RXRA: variants seen among roughly 807,000 people sequenced by gnomAD.
RXRA encodes retinoic acid receptor RXR-alpha.
In RXRA, 5 loss-of-function variants were observed where a neutral mutation model predicts 44.5. The observed-to-expected ratio is 0.11, with a 90% confidence interval of 0.06 to 0.24. The LOEUF is 0.24. Among genes scored for constraint, RXRA ranks in the 10% least tolerant of loss-of-function variants. The probability of loss-of-function intolerance (pLI) is 1.00; values close to 1 mark genes in which losing one functional copy is unlikely to be tolerated. For missense variants in RXRA, 412 were observed against 646.5 expected, an observed-to-expected ratio of 0.64 and a Z score of 3.93; for synonymous variants, 291 against 271.4, an observed-to-expected ratio of 1.07 and a Z score of -0.71.
At position 134,436,398 on chromosome 9, in the gene RXRA, A is replaced by G. The variant is rs6413515; in HGVS notation, c.1242-69A>G. On this transcript the variant is annotated intron_variant, in intron 9 of 9. Coordinates refer to ENST00000481739, the MANE Select transcript of RXRA (RefSeq NM_002957.6). ...ATCAGACACAGCCCCATCCCCAGGG[A>G]GGCCTCCAGTGCCAGGGCAGAACTG... The G allele has an allele frequency of 2.1e-3, 3,222 of 1,511,334 alleles. 61 individuals carry two copies. The African/African-American group carries it at 0.038, about 18-fold the overall frequency. The allele number at this position is 1,511,334 out of a possible 1,614,324, so 93.6% of individuals were successfully genotyped here.
intron 1 of RXRA, among the ~76,000 whole-genome samples, chr9:134,381,207 C>A (rs1286620366): frequency 6.6e-6 from 1 of 152,148 alleles, no homozygotes; most frequent in Non-Finnish European, 1.5e-5. Context: ...CTTGGAGCTG[C>A]AGAGGCTTTG....
At position 134,437,124 on chromosome 9, in the gene RXRA, C is replaced by T. The variant is rs34231000; in HGVS notation, c.*510C>T. The T allele has an allele frequency of 8.7e-3, 1,398 of 160,766 alleles. 16 individuals are homozygous for T. The highest frequency in any genetic ancestry group is 0.031 in the African/African-American group (1,278 of 41,638). The allele number at this position is 160,766 out of a possible 1,614,324, so 10.0% of individuals were successfully genotyped here. A position where few individuals can be genotyped will look rare whatever the true frequency, so the allele number is the denominator to read the frequency against. On this transcript the variant is annotated 3_prime_UTR_variant, in exon 10 of 10. Transcript: ENST00000481739. ...CTAATCAGGAGGGGACAGCTGGGGG[C>T]GCAAGCTGGTGTGTCATCAGCAAAG... is the stretch of plus-strand genomic sequence containing the variant.
intron 1 of RXRA, among the ~76,000 whole-genome samples, chr9:134,400,748 G>A (rs957788275): frequency 2.0e-5 from 3 of 152,216 alleles, no homozygotes; most frequent in Non-Finnish European, 2.9e-5. Context: ...AGGCGGGAGT[G>A]TGGGAGGTCC....
Position 134,365,999 on chromosome 9 carries a change from CG to C in RXRA, c.29-35629del, listed in dbSNP as rs971020227. On this transcript the variant is annotated intron_variant, in intron 1 of 9. Transcript: ENST00000481739. The surrounding 1 kb of genome is among the most constrained non-coding windows in gnomAD (Gnocchi z 4.0). ...GAGCCGCCTGTCTTTGCAGGAGCCGCGGGGATCATCTGGCGGCTGCCTCCAC... is the reference window on the plus strand; with the variant it reads ...GAGCCGCCTGTCTTTGCAGGAGCCGCGGGATCATCTGGCGGCTGCCTCCAC... Among the ~76,000 whole-genome samples the C allele has an allele frequency of 6.6e-6, 1 of 152,076 alleles. No individual in the cohort carries two copies. Among genetic ancestry groups the C allele is most frequent in the African/African-American group, 2.4e-5 (1 of 41,408 alleles).
intron 6 of RXRA, chr9:134,422,272 C>T (rs963346973): frequency 1.6e-6 from 2 of 1,289,232 alleles, no homozygotes; most frequent in African/African-American, 1.5e-5. Flanking sequence ...GCTCCCCGCT[C>T]CCAGGACACA....
chr9:134,401,496 C>T (rs180901755), intron 1 of RXRA, 136 bp from the exon 2 acceptor site: 81 of 1,393,042 alleles, frequency 5.8e-5, no homozygotes, highest in South Asian at 1.4e-4. Flanking sequence ...AGAGAGCTGT[C>T]GAGACCCACG....
chr9:134,327,981 C>G (rs1276246131), intron 1 of RXRA, among the ~76,000 whole-genome samples: 1 of 152,170 alleles, frequency 6.6e-6, no homozygotes, highest in Non-Finnish European at 1.5e-5. Context: ...GATGAGAAAA[C>G]TGGCTGGGAG....
At chr9:134,418,862 G>A (rs1239917786) in intron 5 of RXRA, among the ~76,000 whole-genome samples, 3 of 152,226 alleles carry the variant, frequency 2.0e-5, no homozygotes, top group African/African-American at 7.2e-5. Flanking sequence ...CTGCTCGTTG[G>A]CACTCACACA....
intron 1 of RXRA, among the ~76,000 whole-genome samples, chr9:134,333,475 T>G (rs1243413779): frequency 6.6e-6 from 1 of 152,088 alleles, no homozygotes; most frequent in African/African-American, 2.4e-5. Flanking sequence ...CGGCGCAGAC[T>G]GCTGCCGTGC....
chr9:134,398,915 A>T (rs1830920086), intron 1 of RXRA, among the ~76,000 whole-genome samples: 3 of 152,206 alleles, frequency 2.0e-5, no homozygotes, highest in African/African-American at 7.2e-5. Context: ...TCCCAGGGCT[A>T]CCTGGTGGAG....
In RXRA at chr9:134,409,017, A is replaced by G. The variant is rs762835417; in HGVS notation, c.508A>G (p.Thr170Ala). 6.2e-7 allele frequency: 1 copy of G among 1,605,832 alleles called. No individual in the cohort carries two copies. The highest frequency in any genetic ancestry group is 2.3e-5 in the East Asian group (1 of 44,190). ...GACGGTGCGCAAGGACCTGACCTACACCTGCCGCGACAACAAGGACTGCCT... is the reference window on the plus strand; with the variant it reads ...GACGGTGCGCAAGGACCTGACCTACGCCTGCCGCGACAACAAGGACTGCCT... Reference protein sequence around the residue: ...KRTVRKDLTYTCRDNKDCLID... With the variant: ...KRTVRKDLTYACRDNKDCLID... Residue 170 changes from threonine (T) to alanine (A), a missense_variant, in exon 4 of 10, where the codon ACC (threonine) becomes GCC (alanine). Physicochemically the swap from Thr to Ala is moderately conservative, Grantham distance 58 (BLOSUM62 0). Around this residue, in one of 4 missense-constraint regions of RXRA, gnomAD observed 48 missense variants for 119.9 expected, o/e 0.40. Coordinates refer to ENST00000481739, the MANE Select transcript of RXRA (RefSeq NM_002957.6).
intron 1 of RXRA, among the ~76,000 whole-genome samples, chr9:134,397,888 T>G (rs1327019947): frequency 1.3e-5 from 2 of 152,186 alleles, no homozygotes; most frequent in Non-Finnish European, 2.9e-5. Context: ...AGGCTGTCCC[T>G]GTGGTTTGGG....
intron 1 of RXRA, among the ~76,000 whole-genome samples, chr9:134,399,971 C>T (rs931001678): frequency 1.3e-5 from 2 of 152,328 alleles, no homozygotes; most frequent in East Asian, 1.9e-4. Context: ...GGCAAATGCT[C>T]CTGAGCAGAG....
Position 134,342,794 on chromosome 9 carries a change from T to A in RXRA, c.28+16135T>A, listed in dbSNP as rs1554748254. Among the ~76,000 whole-genome samples, 1 of 152,140 alleles carries A rather than the reference T, an allele frequency of 6.6e-6. No homozygotes were observed. ...CGCGGAGGAGGCTGCCTACCTGCCT[T>A]CCTGGCCCTTCCTGCTCTGGCTGGC... On this transcript the variant is annotated intron_variant, in intron 1 of 9. Transcript: ENST00000481739. The surrounding 1 kb of genome is among the most constrained non-coding windows in gnomAD (Gnocchi z 4.4).
rs537499609 is a variant in RXRA, at chr9:134,407,336, C to T, written c.280-813C>T. Among the ~76,000 whole-genome samples, 1 of 152,350 alleles carries T rather than the reference C, an allele frequency of 6.6e-6. No homozygotes were observed. The highest frequency in any genetic ancestry group is 1.9e-4 in the East Asian group (1 of 5,174). On this transcript the variant is annotated intron_variant, in intron 2 of 9. Coordinates refer to ENST00000481739, the MANE Select transcript of RXRA (RefSeq NM_002957.6). The surrounding 1 kb of genome is among the most constrained non-coding windows in gnomAD (Gnocchi z 4.8). ...TGCAGAAGTGGAGGCTGGGGGCTGC[C>T]TGGCCAAGCGCTTACCGCCCTGCGC...
At chr9:134,431,578 C>G (rs906901726) in intron 7 of RXRA, among the ~76,000 whole-genome samples, 5 of 152,210 alleles carry the variant, frequency 3.3e-5, no homozygotes, top group African/African-American at 1.2e-4. Context: ...GCCCTCTGTG[C>G]AGCTGCGGCT....
In RXRA at chr9:134,365,676, G is replaced by C. The variant is rs1422697365; in HGVS notation, c.29-35956G>C. ...GACAGTGGGGATGAGTTTCAGGTCTGTTCTTGGTGGCTGTTAACTCTAGGC... is the reference window on the plus strand; with the variant it reads ...GACAGTGGGGATGAGTTTCAGGTCTCTTCTTGGTGGCTGTTAACTCTAGGC... On this transcript the variant is annotated intron_variant, in intron 1 of 9. Transcript: ENST00000481739. This position sits in a 1 kb window ranked among gnomAD's most constrained non-coding sequence, Gnocchi z 4.0. Among the ~76,000 whole-genome samples the C allele has an allele frequency of 6.6e-6, 1 of 152,010 alleles. No homozygotes were observed. The highest frequency in any genetic ancestry group is 1.5e-5 in the Non-Finnish European group (1 of 67,974).
intron 1 of RXRA, among the ~76,000 whole-genome samples, chr9:134,341,771 G>A (rs1416998467): frequency 2.0e-5 from 3 of 152,240 alleles, no homozygotes; most frequent in Non-Finnish European, 4.4e-5. Flanking sequence ...ATGTCTTGGT[G>A]TGTGACTGTT....
At chr9:134,434,641 C>T (rs556237027) in intron 9 of RXRA, among the ~76,000 whole-genome samples, 5 of 152,344 alleles carry the variant, frequency 3.3e-5, no homozygotes, top group East Asian at 1.9e-4. Flanking sequence ...TAGGCGGTCA[C>T]GGCCTGAGCG....
Sources: allele counts gnomAD v4.1 joint callset (sites outside exome capture counted in the v4.1 genomes callset), GRCh38; gene constraint gnomAD v4.1.1; regional missense constraint gnomAD v4.1.1; non-coding constraint Gnocchi (gnomAD v3.1); transcripts MANE v1.5; gene names NCBI Gene and HGNC (gene_info 2026-07-23, HGNC 2026-07-21).